Variants in KCTD8 observed in about 807,000 individuals in gnomAD.
KCTD8 encodes potassium channel tetramerization domain containing 8.
KCTD8 carries 27 observed loss-of-function variants against 31.5 expected under a neutral mutation model. The ratio of observed to expected loss-of-function variants is 0.86; its 90% confidence interval spans 0.63 to 1.18. The LOEUF is 1.18. Among genes scored for constraint, KCTD8 ranks in the 50% most tolerant of loss-of-function variants. KCTD8 has a pLI of 0.00. For missense variants in KCTD8, 658 were observed against 647.7 expected (o/e 1.02, Z -0.17); for synonymous variants, 290 against 280.0 (o/e 1.04, Z -0.36).
chr4:44,235,913 G>C (rs1715277830), intron 1 of KCTD8, among the ~76,000 whole-genome samples: 1 of 152,034 alleles, frequency 6.6e-6, no homozygotes, highest in Non-Finnish European at 1.5e-5. Flanking sequence ...CAAAGTTCTT[G>C]ATTGAGTAGA....
At chr4:44,342,942 G>T (rs1321972633) in intron 1 of KCTD8, among the ~76,000 whole-genome samples, 3 of 152,224 alleles carry the variant, frequency 2.0e-5, no homozygotes, top group African/African-American at 7.2e-5. Flanking sequence ...CTCTGGATTA[G>T]ATTCTGGCTT....
intron 1 of KCTD8, among the ~76,000 whole-genome samples, chr4:44,183,131 C>A (rs1186967676): frequency 3.9e-5 from 6 of 152,082 alleles, no homozygotes; most frequent in African/African-American, 1.4e-4. Context: ...GCAGACAGGT[C>A]TCTTAGTTTC....
At chr4:44,240,402 T>C (rs1032211655) in intron 1 of KCTD8, among the ~76,000 whole-genome samples, 40 of 152,238 alleles carry the variant, frequency 2.6e-4, no homozygotes, top group African/African-American at 8.2e-4. Context: ...TGTTGTACTT[T>C]AGTCACTTTC....
intron 1 of KCTD8, among the ~76,000 whole-genome samples, chr4:44,259,723 T>C (rs1430771579): frequency 6.6e-6 from 1 of 151,936 alleles, no homozygotes; most frequent in East Asian, 1.9e-4. Flanking sequence ...ATATAAGTTG[T>C]CTTAATTTTA....
intron 1 of KCTD8, among the ~76,000 whole-genome samples, chr4:44,183,829 C>T (rs1461264935): frequency 1.3e-5 from 2 of 152,100 alleles, no homozygotes; most frequent in Non-Finnish European, 2.9e-5. Flanking sequence ...AATGTGTCTG[C>T]AACAGTCACA....
chr4:44,279,762 A>G (rs1386505831), intron 1 of KCTD8, among the ~76,000 whole-genome samples: 3 of 152,174 alleles, frequency 2.0e-5, no homozygotes, highest in Non-Finnish European at 2.9e-5. Flanking sequence ...TTGAACACAT[A>G]CTAAATAATT....
intron 1 of KCTD8, among the ~76,000 whole-genome samples, chr4:44,326,332 C>T (rs1718443029): frequency 6.6e-6 from 1 of 151,684 alleles, no homozygotes; most frequent in Non-Finnish European, 1.5e-5. Flanking sequence ...TAGCTGTCTG[C>T]ATTTTTTTGC....
intron 1 of KCTD8, among the ~76,000 whole-genome samples, chr4:44,182,475 T>TC (rs1386917493): frequency 1.3e-5 from 2 of 152,244 alleles, no homozygotes; most frequent in Non-Finnish European, 2.9e-5. Flanking sequence ...ATTCCGTTGA[T>TC]CTATGACCTT....
intron 1 of KCTD8, among the ~76,000 whole-genome samples, chr4:44,327,211 A>AT (rs1021215954): frequency 2.6e-5 from 4 of 151,836 alleles, no homozygotes; most frequent in Non-Finnish European, 4.4e-5. Context: ...GAAAACACAC[A>AT]TTTTTTGCTG....
chr4:44,282,829 G>C (rs1716937316), intron 1 of KCTD8, among the ~76,000 whole-genome samples: 1 of 151,976 alleles, frequency 6.6e-6, no homozygotes, highest in African/African-American at 2.4e-5. Flanking sequence ...TTCTATGAAG[G>C]CTGAGAGAGG....
intron 1 of KCTD8, among the ~76,000 whole-genome samples, chr4:44,273,571 C>CA: frequency 6.6e-6 from 1 of 151,834 alleles, no homozygotes; most frequent in Non-Finnish European, 1.5e-5. Context: ...GGAAAGGAGT[C>CA]AATTTTCCTA....
At chr4:44,349,065 G>A (rs1300587352) in intron 1 of KCTD8, among the ~76,000 whole-genome samples, 12 of 107,828 alleles carry the variant, frequency 1.1e-4, no homozygotes, top group Non-Finnish European at 1.7e-4. Context: ...CACCATCGCT[G>A]CCACCGCCAC....
intron 1 of KCTD8, among the ~76,000 whole-genome samples, chr4:44,423,923 A>C (rs1299079928): frequency 6.6e-6 from 1 of 152,138 alleles, no homozygotes; most frequent in Non-Finnish European, 1.5e-5. Flanking sequence ...AAGCTCATTC[A>C]GAGACAGCTT....
intron 1 of KCTD8, among the ~76,000 whole-genome samples, chr4:44,286,650 T>C (rs1246544522): frequency 1.3e-5 from 2 of 152,136 alleles, no homozygotes; most frequent in East Asian, 1.9e-4. Flanking sequence ...GCTTTCTAGA[T>C]AAAGGTAAGA....
chr4:44,319,852 TC>T (rs1212419520), intron 1 of KCTD8, among the ~76,000 whole-genome samples: 5 of 152,002 alleles, frequency 3.3e-5, no homozygotes, highest in Admixed American at 6.6e-5. Context: ...CAATAAGACT[TC>T]CAATGAGAAA....
chr4:44,310,808 A>G (rs1351587319), intron 1 of KCTD8, among the ~76,000 whole-genome samples: 1 of 152,148 alleles, frequency 6.6e-6, no homozygotes, highest in Non-Finnish European at 1.5e-5. Flanking sequence ...CTATGGTATA[A>G]GAAATCTGTT....
At chr4:44,199,148 A>G (rs1337807996) in intron 1 of KCTD8, among the ~76,000 whole-genome samples, 2 of 152,206 alleles carry the variant, frequency 1.3e-5, no homozygotes, top group Non-Finnish European at 2.9e-5. Context: ...CAGATTCACA[A>G]AACAAGTTCT....
At chr4:44,268,096 A>C (rs908363935) in intron 1 of KCTD8, among the ~76,000 whole-genome samples, 2 of 152,210 alleles carry the variant, frequency 1.3e-5, no homozygotes, top group Non-Finnish European at 2.9e-5. Context: ...ACCAAAAAAG[A>C]GAATTTCAGA....
intron 1 of KCTD8, among the ~76,000 whole-genome samples, chr4:44,444,411 T>G: frequency 6.6e-6 from 1 of 152,240 alleles, no homozygotes; most frequent in Non-Finnish European, 1.5e-5. Flanking sequence ...ATTCTGAAAG[T>G]ATAGTATGCT....
Sources: gnomAD v4.1 joint callset for allele counts (sites outside exome capture counted in the v4.1 genomes callset) on GRCh38, gnomAD v4.1.1 for gene constraint, MANE v1.5 for transcripts, NCBI Gene and HGNC (gene_info 2026-07-23, HGNC 2026-07-21) for gene names.